UNKL: variants seen among roughly 807,000 people sequenced by gnomAD.
UNKL encodes putative E3 ubiquitin-protein ligase UNKL.
Under a neutral mutation model 78.0 loss-of-function variants are expected in UNKL, and 60 were observed. The ratio of observed to expected loss-of-function variants is 0.77; its 90% CI spans 0.63 to 0.95. The LOEUF is 0.95. UNKL is among the 40% of genes least tolerant of loss of function. The pLI, the probability that UNKL is intolerant of heterozygous loss-of-function variation, is 0.00. For synonymous variants in UNKL, 608 were observed against 474.8 expected (o/e 1.28, Z -3.65); for missense variants, 1,159 against 1,045.7 (o/e 1.11, Z -1.49).
At chr16:1,404,319 G>A (rs1275439710) in intron 2 of UNKL, among the ~76,000 whole-genome samples, 3 of 152,200 alleles carry the variant, frequency 2.0e-5, no homozygotes, top group Non-Finnish European at 4.4e-5. Flanking sequence ...ACCTCACTGT[G>A]CACAGGGCTG....
chr16:1,402,743 G>A (rs112789071), intron 3 of UNKL, among the ~76,000 whole-genome samples: 1,579 of 152,048 alleles, frequency 0.01, 29 homozygotes, highest in African/African-American at 0.036. Flanking sequence ...CCAGCACTTT[G>A]GGAAGCCAAC....
intron 5 of UNKL, chr16:1,398,530 G>C (rs1221021657): frequency 2.3e-5 from 30 of 1,323,634 alleles, no homozygotes; most frequent in Non-Finnish European, 2.8e-5. Flanking sequence ...CCCAAAGGAA[G>C]CACAGGTGCT....
In UNKL at chr16:1,366,322, C is replaced by T. The variant is rs750166834; in HGVS notation, c.2120G>A (p.Cys707Tyr). The T allele has an allele frequency of 6.2e-7, 1 of 1,603,458 alleles. No homozygotes were observed. Among genetic ancestry groups the T allele is most frequent in the East Asian group, 2.3e-5 (1 of 44,420 alleles). The change falls in exon 15 of 15, where the codon TGT becomes TAT. Residue 707 changes from cysteine (C) to tyrosine (Y), a missense_variant. Coordinates refer to ENST00000389221, the MANE Select transcript of UNKL (RefSeq NM_001372107.1). The part of the protein sequence containing the change: ...ERAHGAVLRP[C>Y]QHHILCEPCA... ...CGGCTCACAGAGGATGTGGTGCTGA[C>T]AGGGCCGCAGGACAGCACCGTGGGC...
At chr16:1,412,306 T>G (rs920448741) in intron 2 of UNKL, 3 of 152,268 alleles carry the variant, frequency 2.0e-5, no homozygotes, top group African/African-American at 7.2e-5. Flanking sequence ...CTTGATTTCT[T>G]AACTTTAAAA....
In UNKL at chr16:1,399,398, C is replaced by A; in HGVS notation, c.710G>T (p.Arg237Leu). 1 of 1,600,544 alleles carries A rather than the reference C, an allele frequency of 6.2e-7. No individual in the cohort carries two copies. Among genetic ancestry groups the A allele is most frequent in the South Asian group, 1.1e-5 (1 of 89,920 alleles). ...CCTGTACTGGAACCGCCGGGGGTTG[C>A]GCCGCCTGTCCCGGCTATTGTGGTA... ...PHYHNSRDRRRNPRRFQYRST... is the reference protein window; with the variant it reads ...PHYHNSRDRRLNPRRFQYRST... The change falls in exon 5 of 15, where the codon CGC (arginine) becomes CTC (leucine). Residue 237 changes from arginine (R) to leucine (L), a missense_variant. Coordinates refer to ENST00000389221, the MANE Select transcript of UNKL (RefSeq NM_001372107.1). This position sits in a 1 kb window ranked among gnomAD's most constrained non-coding sequence, Gnocchi z 5.8.
intron 2 of UNKL, among the ~76,000 whole-genome samples, chr16:1,412,849 G>C (rs925938764): frequency 6.6e-6 from 1 of 152,148 alleles, no homozygotes; most frequent in African/African-American, 2.4e-5. Context: ...CTGTGCCCAG[G>C]AGGTTGAGAC....
intron 10 of UNKL, chr16:1,379,693 C>A (rs1193939461): frequency 5.1e-6 from 5 of 984,160 alleles, no homozygotes; most frequent in Non-Finnish European, 4.8e-6. Flanking sequence ...ACCCGGCCCG[C>A]GCCCCGCCCC....
rs557942637 is a variant in UNKL at position 1,403,858 on chromosome 16, C to T, written c.288-514G>A. ...GGCCCTGGACGCGGCTTGGGGGACA[C>T]GAGGGGGATGGGCAGAAGAGGCGGC... On this transcript the variant is annotated intron_variant, in intron 2 of 14. Coordinates refer to ENST00000389221, the MANE Select transcript of UNKL (RefSeq NM_001372107.1). This position sits in a 1 kb window ranked among gnomAD's most constrained non-coding sequence, Gnocchi z 4.8. 1.3e-4 allele frequency among the ~76,000 whole-genome samples: 19 copies of T among 151,988 alleles called. No homozygotes were observed. The East Asian group carries it at 2.5e-3, about 20-fold the overall frequency.
chr16:1,375,926 CAAG>C (rs2036180041), intron 10 of UNKL, among the ~76,000 whole-genome samples: 1 of 152,220 alleles, frequency 6.6e-6, no homozygotes, highest in African/African-American at 2.4e-5. Context: ...CTGAAGAGGG[CAAG>C]ACCTCAAAGC....
intron 3 of UNKL, among the ~76,000 whole-genome samples, chr16:1,401,953 A>T (rs971506314): frequency 1.3e-5 from 2 of 152,222 alleles, no homozygotes; most frequent in African/African-American, 4.8e-5. Context: ...GCTGGAGTGC[A>T]GTGACGCAAT....
intron 9 of UNKL, among the ~76,000 whole-genome samples, chr16:1,388,329 C>T (rs528615158): frequency 2.0e-4 from 30 of 152,088 alleles, no homozygotes; most frequent in African/African-American, 6.8e-4. Context: ...GACAGGCAGC[C>T]TCAGGCTCCC....
chr16:1,367,505 CCTCCCTCCCCCT>C, intron 13 of UNKL, 139 bp downstream of exon 13: 6 of 717,992 alleles, frequency 8.4e-6, no homozygotes, highest in South Asian at 2.0e-5. Context: ...TCCCTCCCTC[CCTCCCTCCCCCT>C]CCCGTCTCAC....
chr16:1,366,847 G>A (rs1222111982), intron 14 of UNKL, among the ~76,000 whole-genome samples: 4 of 150,644 alleles, frequency 2.7e-5, no homozygotes, highest in Admixed American at 6.6e-5. Context: ...TGTGGCATTC[G>A]CTGACAAGAG....
chr16:1,367,410 T>G (rs2035370476), intron 13 of UNKL, 61 bp from the exon 14 acceptor site: 3 of 1,484,170 alleles, frequency 2.0e-6, no homozygotes, highest in South Asian at 1.3e-5. Flanking sequence ...CAGACCCTCT[T>G]GCCTGTGTCA....
intron 10 of UNKL, among the ~76,000 whole-genome samples, chr16:1,371,940 C>A (rs1003234371): frequency 1.3e-5 from 2 of 152,170 alleles, no homozygotes; most frequent in African/African-American, 2.4e-5. Flanking sequence ...CATCTGTCCA[C>A]GTGTGCACAT....
At chr16:1,408,401 A>C (rs1470741324) in intron 2 of UNKL, 3 of 153,166 alleles carry the variant, frequency 2.0e-5, no homozygotes, top group African/African-American at 7.2e-5. Context: ...GGCGGGGCCG[A>C]GATCACGCTG....
chr16:1,371,401 T>C (rs961094901), intron 11 of UNKL, 118 bp downstream of exon 11: 3 of 966,694 alleles, frequency 3.1e-6, no homozygotes, highest in African/African-American at 3.2e-5. Flanking sequence ...AGGAGTGCAG[T>C]GGTGCAACCT....
At chr16:1,371,815 C>T (rs1020167270) in intron 10 of UNKL, among the ~76,000 whole-genome samples, 8 of 152,206 alleles carry the variant, frequency 5.3e-5, no homozygotes, top group African/African-American at 1.2e-4. Flanking sequence ...GCTGTTCCTC[C>T]GGCAAAACGA....
chr16:1,379,087 C>T (rs1023602612), intron 10 of UNKL: 2 of 152,268 alleles, frequency 1.3e-5, no homozygotes, highest in Admixed American at 6.5e-5. Context: ...TGAGTCACCG[C>T]GACACAGCCC....
Sources: allele counts gnomAD v4.1 joint callset (sites outside exome capture counted in the v4.1 genomes callset), GRCh38; gene constraint gnomAD v4.1.1; non-coding constraint Gnocchi (gnomAD v3.1); transcripts MANE v1.5; gene names NCBI Gene and HGNC (gene_info 2026-07-23, HGNC 2026-07-21).